IPO11: variants seen among roughly 807,000 people sequenced by gnomAD.
The protein encoded by IPO11 is importin 11.
IPO11 carries 66 observed loss-of-function variants against 143.2 expected under a neutral mutation model. The observed-to-expected ratio is 0.46, with a 90% CI of 0.38 to 0.57. IPO11 has a LOEUF of 0.57. Among genes scored for constraint, IPO11 ranks in the 20% least tolerant of loss-of-function variants. The pLI is 0.00. For synonymous variants in IPO11, 385 were observed against 377.8 expected, an observed-to-expected ratio of 1.02 and a Z score of -0.22; for missense variants, 1,026 against 1,141.0, an observed-to-expected ratio of 0.90 and a Z score of 1.45.
chr5:62,614,070 G>A (rs1448389844), intron 29 of IPO11, among the ~76,000 whole-genome samples: 1 of 152,196 alleles, frequency 6.6e-6, no homozygotes, highest in Non-Finnish European at 1.5e-5. Context: ...CATGTGCATT[G>A]TGTGTGAACA....
Position 62,568,775 on chromosome 5 carries a change from A to C in IPO11, c.2582+7518A>C, listed in dbSNP as rs529221718. Among the ~76,000 whole-genome samples the C allele has an allele frequency of 5.6e-4, 86 of 152,238 alleles. 1 individual carries two copies. Among genetic ancestry groups the C allele is most frequent in the South Asian group, 1.9e-3 (9 of 4,830 alleles). ...AGTGTGATAAATATGAAATGAGATC[A>C]TATTTAGGTGAATGTTCTTGATGCT... is the stretch of plus-strand genomic sequence containing the variant. On this transcript the variant is annotated intron_variant, in intron 27 of 29. Transcript: ENST00000325324.
intron 26 of IPO11, 152 bp downstream of exon 26, chr5:62,551,488 G>T (rs998162301): frequency 8.2e-6 from 4 of 486,928 alleles, no homozygotes; most frequent in African/African-American, 5.8e-5. Flanking sequence ...AATAATTTGG[G>T]GTAGAAAAAG....
intron 27 of IPO11, among the ~76,000 whole-genome samples, chr5:62,569,810 T>C (rs1744074935): frequency 6.6e-6 from 1 of 152,252 alleles, no homozygotes; most frequent in South Asian, 2.1e-4. Context: ...ATATATGGTT[T>C]ACAAAGGGGC....
chr5:62,483,195 G>T lies in IPO11; in HGVS notation c.923G>T (p.Gly308Val). 2 of 1,609,468 alleles carry T rather than the reference G, an allele frequency of 1.2e-6. No homozygotes were observed. The highest frequency in any genetic ancestry group is 1.7e-6 in the Non-Finnish European group (2 of 1,176,566). ...FSVSYVFTEV[G>V]EGVTFERFIV... ...GTAAGCTATGTTTTTACAGAAGTTGGTGAAGGCGTTACATTTGAACGATTC... is the reference window on the plus strand; with the variant it reads ...GTAAGCTATGTTTTTACAGAAGTTGTTGAAGGCGTTACATTTGAACGATTC... The change falls in exon 10 of 30, where the codon GGT (glycine) becomes GTT (valine). Residue 308 changes from glycine (G) to valine (V), a missense_variant. By Grantham distance (109) the Gly-to-Val change is moderately radical (BLOSUM62 -3). Coordinates refer to ENST00000325324, the MANE Select transcript of IPO11 (RefSeq NM_016338.5).
At position 62,507,933 on chromosome 5, in the gene IPO11, T is replaced by G. The variant is rs543875331; in HGVS notation, c.1782+1576T>G. Among the ~76,000 whole-genome samples the G allele has an allele frequency of 1.2e-4, 18 of 152,350 alleles. No individual in the cohort carries two copies. The South Asian group carries it at 3.7e-3, about 32-fold the overall frequency. On this transcript the variant is annotated intron_variant, in intron 19 of 29. Coordinates refer to ENST00000325324, the MANE Select transcript of IPO11 (RefSeq NM_016338.5). ...AATAAGGTATAGTTATTCAATATAGTTTTTGTTTTTGAAAACTCAAACTAA... is the reference window on the plus strand; with the variant it reads ...AATAAGGTATAGTTATTCAATATAGGTTTTGTTTTTGAAAACTCAAACTAA...
At chr5:62,473,590 GTTAA>G (rs1421457457) in intron 7 of IPO11, among the ~76,000 whole-genome samples, 1 of 152,068 alleles carries the variant, frequency 6.6e-6, no homozygotes, top group Non-Finnish European at 1.5e-5. Flanking sequence ...GCATTCTAGA[GTTAA>G]TTATTTTCCA....
intron 28 of IPO11, among the ~76,000 whole-genome samples, chr5:62,595,814 A>G (rs1330891832): frequency 6.6e-6 from 1 of 152,042 alleles, no homozygotes; most frequent in Non-Finnish European, 1.5e-5. Flanking sequence ...AAGAAAATAC[A>G]TTGATGGGGC....
chr5:62,604,712 G>T (rs1409495702), intron 29 of IPO11, among the ~76,000 whole-genome samples: 1 of 151,932 alleles, frequency 6.6e-6, no homozygotes, highest in Non-Finnish European at 1.5e-5. Context: ...ATTTAATATA[G>T]ATTTATATTA....
chr5:62,513,822 C>T (rs1394188860), intron 19 of IPO11, among the ~76,000 whole-genome samples: 1 of 149,388 alleles, frequency 6.7e-6, no homozygotes, highest in African/African-American at 2.5e-5. Flanking sequence ...GGAGGGGCTC[C>T]TCACTTCTCA....
chr5:62,617,593 A>C (rs1418417577), intron 29 of IPO11, among the ~76,000 whole-genome samples: 1 of 152,162 alleles, frequency 6.6e-6, no homozygotes, highest in Non-Finnish European at 1.5e-5. Context: ...TGACAATAAG[A>C]TGAATGGAAG....
chr5:62,420,919 C>T (rs146162112), intron 1 of IPO11, among the ~76,000 whole-genome samples: 2,657 of 152,228 alleles, frequency 0.017, 73 homozygotes, highest in African/African-American at 0.059. Context: ...ATAGAATACA[C>T]AAAATATATA....
intron 26 of IPO11, among the ~76,000 whole-genome samples, chr5:62,554,284 A>G: frequency 6.6e-6 from 1 of 152,210 alleles, no homozygotes; most frequent in South Asian, 2.1e-4. Flanking sequence ...AGTTTGATAG[A>G]ATCCCATTTG....
chr5:62,484,416 ATATCATGTAGTT>A (rs1358044559), intron 11 of IPO11, among the ~76,000 whole-genome samples: 2 of 152,152 alleles, frequency 1.3e-5, no homozygotes, highest in Non-Finnish European at 2.9e-5. Context: ...CTTTACAAAT[ATATCATGTAGTT>A]TCAAACAAAA....
intron 28 of IPO11, among the ~76,000 whole-genome samples, chr5:62,598,654 C>T (rs377208282): frequency 6.7e-6 from 1 of 149,634 alleles, no homozygotes; most frequent in Non-Finnish European, 1.5e-5. Context: ...AAGCAGTTCT[C>T]TCATCTCAGC....
At chr5:62,549,080 T>C (rs1743308218) in intron 24 of IPO11, among the ~76,000 whole-genome samples, 1 of 128,890 alleles carries the variant, frequency 7.8e-6, no homozygotes, top group African/African-American at 2.9e-5. Flanking sequence ...TTCCCAGATC[T>C]AGTTGTGTTT....
intron 5 of IPO11, among the ~76,000 whole-genome samples, chr5:62,459,146 A>G (rs1341963981): frequency 6.6e-6 from 1 of 151,806 alleles, no homozygotes; most frequent in East Asian, 1.9e-4. Context: ...GATACATGAG[A>G]ACAGTGTGTA....
At chr5:62,533,747 G>T (rs1434711266) in intron 22 of IPO11, among the ~76,000 whole-genome samples, 1 of 152,042 alleles carries the variant, frequency 6.6e-6, no homozygotes, top group Non-Finnish European at 1.5e-5. Context: ...GATTGCTTGA[G>T]GACAGGAGTT....
intron 5 of IPO11, among the ~76,000 whole-genome samples, chr5:62,466,245 G>C (rs779907893): frequency 6.6e-6 from 1 of 152,140 alleles, no homozygotes; most frequent in Non-Finnish European, 1.5e-5. Flanking sequence ...TGCCCTGGGG[G>C]ATATGGTGAA....
intron 5 of IPO11, among the ~76,000 whole-genome samples, chr5:62,455,974 C>G (rs1745135676): frequency 6.6e-6 from 1 of 152,184 alleles, no homozygotes; most frequent in Non-Finnish European, 1.5e-5. Flanking sequence ...ATCCACCTGT[C>G]TCAGCCTCCC....
Sources: allele counts gnomAD v4.1 joint callset (sites outside exome capture counted in the v4.1 genomes callset), GRCh38; gene constraint gnomAD v4.1.1; transcripts MANE v1.5; gene names NCBI Gene and HGNC (gene_info 2026-07-23, HGNC 2026-07-21).